Variants in GALNT3 observed in about 807,000 individuals in gnomAD.
GALNT3 encodes the protein GalNAc transferase 3.
In GALNT3, 51 loss-of-function variants were observed where a neutral mutation model predicts 69.8. The observed-to-expected ratio is 0.73, with a 90% CI of 0.58 to 0.92. GALNT3 has a LOEUF of 0.92. Among genes scored for constraint, GALNT3 ranks in the 40% least tolerant of loss-of-function variants. GALNT3 has a pLI of 0.00. For missense variants in GALNT3, 711 were observed against 760.0 expected (o/e 0.94, Z 0.76); for synonymous variants, 265 against 248.5 (o/e 1.07, Z -0.63).
At chr2:165,765,874 T>C (rs571465907) in intron 2 of GALNT3, among the ~76,000 whole-genome samples, 4 of 152,322 alleles carry the variant, frequency 2.6e-5, no homozygotes, top group African/African-American at 9.6e-5. Context: ...CCTAGGTTTA[T>C]TGAATCAATT....
At position 165,759,512 on chromosome 2, in the gene GALNT3, C is replaced by T. The variant is rs75931918; in HGVS notation, c.897G>A (p.Thr299=). Residue 299 remains threonine, a synonymous_variant, in exon 5 of 11, where the codon ACG becomes ACA. Coordinates refer to ENST00000392701, the MANE Select transcript of GALNT3 (RefSeq NM_004482.4). ...ATGCAATATCTGGACTTACGACAGC[C>T]GTGTAGTTCTCAGCTATTCTGGCCA... is the stretch of plus-strand genomic sequence containing the variant. ...PLLARIAENY[T]AVVSPDIASI... 9.9e-6 allele frequency: 16 copies of T among 1,613,880 alleles called. No individual in the cohort carries two copies. The highest frequency in any genetic ancestry group is 2.2e-5 in the South Asian group (2 of 91,082).
In GALNT3 at chr2:165,762,029, T is replaced by G; in HGVS notation, c.714A>C (p.Glu238Asp). ...TTACTATAGAAAATTGTTTTACATA[T>G]TCATCTAGTTTATCATGTAAGTACT... ...VDEYLHDKLD[E>D]YVKQFSIVKI... Residue 238 changes from glutamate to aspartate, a missense_variant, in exon 4 of 11, where the codon GAA (glutamate) becomes GAC (aspartate). Physicochemically the swap from Glu to Asp is conservative, Grantham distance 45. Transcript: ENST00000392701. The G allele has an allele frequency of 6.3e-7, 1 of 1,581,100 alleles. No homozygotes were observed. Among genetic ancestry groups the G allele is most frequent in the Non-Finnish European group, 8.7e-7 (1 of 1,150,292 alleles).
intron 1 of GALNT3, among the ~76,000 whole-genome samples, chr2:165,776,313 C>G (rs1028373019): frequency 4.6e-5 from 7 of 152,002 alleles, no homozygotes; most frequent in Admixed American, 2.6e-4. Context: ...CAGTTGGACT[C>G]AGAAGTTTGA....
chr2:165,771,437 T>G (rs190775431), intron 1 of GALNT3: 1 of 152,326 alleles, frequency 6.6e-6, no homozygotes, highest in East Asian at 1.9e-4. Context: ...ACAGCTAGTT[T>G]TAATAGCTCA....
At chr2:165,749,072 G>A (rs546964501) in intron 10 of GALNT3, among the ~76,000 whole-genome samples, 169 bp from the exon 11 acceptor site, 1 of 152,194 alleles carries the variant, frequency 6.6e-6, no homozygotes, top group South Asian at 2.1e-4. Context: ...CACCTTTTAA[G>A]CTACTACTCT....
rs931950211 is a variant in GALNT3, at chr2:165,777,320, T to C, written c.-108-6512A>G. The stretch of plus-strand genomic sequence containing the variant: ...AAAATTACATCCCAATATCCTAATA[T>C]AGATTATAGATTAAGAAAAGTACAC... On this transcript the variant is annotated intron_variant, in intron 1 of 10. Coordinates refer to ENST00000392701, the MANE Select transcript of GALNT3 (RefSeq NM_004482.4). Among the ~76,000 whole-genome samples, 140 of 152,312 alleles carry C rather than the reference T, an allele frequency of 9.2e-4. 1 individual carries two copies. The highest frequency in any genetic ancestry group is 3.2e-3 in the African/African-American group (132 of 41,580).
chr2:165,783,239 T>C (rs1389676598), intron 1 of GALNT3, among the ~76,000 whole-genome samples: 1 of 152,176 alleles, frequency 6.6e-6, no homozygotes, highest in African/African-American at 2.4e-5. Flanking sequence ...CTTAATACTT[T>C]AGTGAAAGGA....
chr2:165,770,995 A>T (rs1688743595), intron 1 of GALNT3, among the ~76,000 whole-genome samples, 187 bp from the exon 2 acceptor site: 1 of 152,156 alleles, frequency 6.6e-6, no homozygotes, highest in Non-Finnish European at 1.5e-5. Flanking sequence ...AATTTACTAC[A>T]ATTTATTGGG....
intron 4 of GALNT3, 66 bp from the exon 5 acceptor site, chr2:165,759,636 G>C (rs1688508835): frequency 8.5e-7 from 1 of 1,177,038 alleles, no homozygotes; most frequent in African/African-American, 1.5e-5. Context: ...AGTTATTTAG[G>C]TGAAGGTTTA....
intron 2 of GALNT3, among the ~76,000 whole-genome samples, chr2:165,765,820 TTAGA>T (rs1457492737): frequency 2.6e-5 from 4 of 152,342 alleles, no homozygotes; most frequent in Non-Finnish European, 1.5e-5. Flanking sequence ...TTATCTTTAA[TTAGA>T]TATTTACCTA....
chr2:165,759,396 C>A lies in GALNT3; in HGVS notation c.1013G>T (p.Gly338Val). ...CTCATGATCAGGAAGCGACTCCCAG[C>A]CAAATGAAAGACTCCAGTCAAAATT... ...RGNFDWSLSF[G>V]WESLPDHEKQ... The change falls in exon 5 of 11, where the codon GGC becomes GTC. Residue 338 changes from glycine to valine, a missense_variant. Gly to Val is a moderately radical substitution (Grantham distance 109). Coordinates refer to ENST00000392701, the MANE Select transcript of GALNT3 (RefSeq NM_004482.4). 6.2e-7 allele frequency: 1 copy of A among 1,613,988 alleles called. No homozygotes were observed. The highest frequency in any genetic ancestry group is 8.5e-7 in the Non-Finnish European group (1 of 1,179,978).
At chr2:165,762,831 T>C (rs1023958507) in intron 3 of GALNT3, among the ~76,000 whole-genome samples, 5 of 152,362 alleles carry the variant, frequency 3.3e-5, no homozygotes, top group Admixed American at 2.6e-4. Flanking sequence ...GGTCTTGCTC[T>C]GTCGCCCAGG....
intron 1 of GALNT3, among the ~76,000 whole-genome samples, chr2:165,781,197 G>A (rs1208775263): frequency 6.6e-6 from 1 of 152,148 alleles, no homozygotes; most frequent in Non-Finnish European, 1.5e-5. Flanking sequence ...GCTTGCTGCA[G>A]AGCCTTCTTC....
intron 7 of GALNT3, among the ~76,000 whole-genome samples, chr2:165,756,566 G>A (rs1688446262): frequency 6.6e-6 from 1 of 151,892 alleles, no homozygotes. Flanking sequence ...TCTATGAAGT[G>A]TCTTCCCTAT....
At chr2:165,785,601 A>G (rs1328771027) in intron 1 of GALNT3, among the ~76,000 whole-genome samples, 2 of 152,228 alleles carry the variant, frequency 1.3e-5, no homozygotes, top group African/African-American at 2.4e-5. Context: ...TAGACATTCA[A>G]TATCTCACAT....
Position 165,774,911 on chromosome 2 carries a change from T to C in GALNT3, c.-108-4103A>G, listed in dbSNP as rs77345004. 2.0e-3 allele frequency among the ~76,000 whole-genome samples: 269 copies of C among 133,722 alleles called. No individual in the cohort carries two copies. In the Middle Eastern group the frequency reaches 0.023, roughly 11 times the overall value. 87.7% of individuals were successfully genotyped at this position (133,722 alleles called of 152,430 possible). A position where few individuals can be genotyped will look rare whatever the true frequency, so the allele number is the denominator to read the frequency against. On this transcript the variant is annotated intron_variant, in intron 1 of 10. Coordinates refer to ENST00000392701, the MANE Select transcript of GALNT3 (RefSeq NM_004482.4). ...GTGAAGTATTCTTCTTCTTCTCTCT[T>C]TTTTTTTTTTTTTTTTTTTTGTAGA...
chr2:165,770,761 T>C lies in GALNT3; in HGVS notation c.-61A>G. 9 of 1,552,858 alleles carry C rather than the reference T, an allele frequency of 5.8e-6. No individual in the cohort carries two copies. Among genetic ancestry groups the C allele is most frequent in the Non-Finnish European group, 7.8e-6 (9 of 1,147,554 alleles). On this transcript the variant is annotated 5_prime_UTR_variant, in exon 2 of 11. Transcript: ENST00000392701. ...GTTATTTCTTCTTCTGTTACTTATA[T>C]TTTTTATCATAGATTTGCTGAGAAG...
chr2:165,749,272 T>C (rs1359556572), intron 10 of GALNT3, among the ~76,000 whole-genome samples: 1 of 152,176 alleles, frequency 6.6e-6, no homozygotes, highest in Non-Finnish European at 1.5e-5. Flanking sequence ...ATTGCTATGA[T>C]ACAGCTAAGC....
chr2:165,789,704 TAA>T (rs34701222), intron 1 of GALNT3, among the ~76,000 whole-genome samples: 122,561 of 149,824 alleles, frequency 0.82, 50,673 homozygotes, highest in Non-Finnish European at 0.89. Context: ...CCTTGTCTCA[TAA>T]AAAAAAAAAA....
Sources: allele counts gnomAD v4.1 joint callset (sites outside exome capture counted in the v4.1 genomes callset), GRCh38; gene constraint gnomAD v4.1.1; transcripts MANE v1.5; gene names NCBI Gene and HGNC (gene_info 2026-07-23, HGNC 2026-07-21).